The following UBASH3A variants were observed in gnomAD, a reference collection of about 807,000 sequenced individuals.
UBASH3A encodes the protein ubiquitin associated and SH3 domain containing A, also known as ubiquitin-associated and SH3 domain-containing protein A.
In UBASH3A, 63 loss-of-function variants were observed where a neutral mutation model predicts 73.5. The observed-to-expected ratio is 0.86, with a 90% confidence interval of 0.70 to 1.06. The LOEUF (loss-of-function observed/expected upper bound fraction) is 1.06, where lower values mean the gene tolerates loss of function less well. Ranked by LOEUF, UBASH3A falls within the 50% of genes least tolerant of loss-of-function variation. UBASH3A has a pLI of 0.00. For missense variants in UBASH3A, 860 were observed against 859.0 expected, an observed-to-expected ratio of 1.00 and a Z score of -0.02; for synonymous variants, 363 against 351.1, an observed-to-expected ratio of 1.03 and a Z score of -0.38.
At chr21:42,446,998 G>A (rs1237606423) in intron 14 of UBASH3A, 59 bp from the exon 15 acceptor site, 43 of 1,570,026 alleles carry the variant, frequency 2.7e-5, no homozygotes, top group Admixed American at 8.8e-5. Flanking sequence ...TTTGGAGCTA[G>A]TCTGAAATTG....
chr21:42,447,161 A>T lies in UBASH3A; in HGVS notation c.1953A>T (p.Ala651=), dbSNP rs991715646. ...CCCTGACCCACGGGGCGAACGCAGC[A>T]TTTAACTGGAGGAACTGGATCTCAG... is the stretch of plus-strand genomic sequence containing the variant. ...VKTLTHGANA[A]FNWRNWISGN Residue 651 remains alanine, a synonymous_variant, in exon 15 of 15, where the codon GCA becomes GCT. Transcript: ENST00000319294. 6.2e-7 allele frequency: 1 copy of T among 1,614,194 alleles called. No individual in the cohort carries two copies.
At chr21:42,431,452 C>T (rs946066659) in intron 8 of UBASH3A, among the ~76,000 whole-genome samples, 2 of 152,280 alleles carry the variant, frequency 1.3e-5, no homozygotes, top group African/African-American at 4.8e-5. Context: ...TGGCTCGAAG[C>T]TGCTGGCCAC....
At chr21:42,412,861 C>T (rs1486429303) in intron 3 of UBASH3A, among the ~76,000 whole-genome samples, 163 bp from the exon 4 acceptor site, 4 of 152,192 alleles carry the variant, frequency 2.6e-5, no homozygotes, top group African/African-American at 9.6e-5. Context: ...AGGTATAGAA[C>T]AAATCCATAA....
In UBASH3A at chr21:42,426,671, CAAGCCG is replaced by C; in HGVS notation, c.1047-25_1047-20del. On this transcript the variant is annotated intron_variant, in intron 7 of 14. Transcript: ENST00000319294. Reference sequence around the variant, plus strand: ...GCAACAACATGGTCTCACTTCTGTTCAAGCCGTGCTTTCCTTCCCCTGCAGGATGTA... The same window carrying C: ...GCAACAACATGGTCTCACTTCTGTTCTGCTTTCCTTCCCCTGCAGGATGTA... 1 of 1,612,008 alleles carries C rather than the reference CAAGCCG, an allele frequency of 6.2e-7. No homozygotes were observed. The highest frequency in any genetic ancestry group is 1.7e-4 in the Middle Eastern group (1 of 6,050).
rs2053817785 is a variant in UBASH3A, at chr21:42,444,745, C to A, written c.1848+102C>A. 7.2e-6 allele frequency: 7 copies of A among 968,246 alleles called. No individual in the cohort carries two copies. In the Admixed American group the frequency reaches 1.3e-4, roughly 18 times the overall value. 60.0% of individuals were successfully genotyped at this position (968,246 alleles called of 1,614,324 possible). Reference sequence around the variant, plus strand: ...GGAATGAAAACAAGTGTCCGGCTGACCCAGGGCCACCAGGATCCACGTGCC... The same window carrying A: ...GGAATGAAAACAAGTGTCCGGCTGAACCAGGGCCACCAGGATCCACGTGCC... On this transcript the variant is annotated intron_variant, in intron 14 of 14. Transcript: ENST00000319294.
intron 2 of UBASH3A, among the ~76,000 whole-genome samples, 168 bp from the exon 3 acceptor site, chr21:42,409,254 C>T (rs2053041134): frequency 6.6e-6 from 1 of 152,244 alleles, no homozygotes; most frequent in Admixed American, 6.5e-5. Context: ...GCAGTGCCTC[C>T]CACCAGTAGG....
At chr21:42,412,502 G>A (rs2053120416) in intron 3 of UBASH3A, among the ~76,000 whole-genome samples, 2 of 152,208 alleles carry the variant, frequency 1.3e-5, no homozygotes, top group African/African-American at 4.8e-5. Context: ...TTGGAGGCAG[G>A]CAGAGCCTCA....
chr21:42,437,550 T>G lies in UBASH3A; in HGVS notation c.1456T>G (p.Cys486Gly), dbSNP rs1400299231. The G allele has an allele frequency of 6.2e-7, 1 of 1,614,114 alleles. No individual in the cohort carries two copies. The highest frequency in any genetic ancestry group is 8.5e-7 in the Non-Finnish European group (1 of 1,180,032). ...SSVFASPALR[C>G]VQTAKLILEE... ...TGTGTTTGCCTCCCCAGCCCTCCGC[T>G]GTGTGCAGACGGCCAAACTCATCCT... The change falls in exon 11 of 15, where the codon TGT (cysteine) becomes GGT (glycine). Residue 486 changes from cysteine (C) to glycine (G), a missense_variant. Coordinates refer to ENST00000319294, the MANE Select transcript of UBASH3A (RefSeq NM_018961.4).
chr21:42,435,035 C>G (rs1412797966), intron 10 of UBASH3A, 81 bp downstream of exon 10: 1 of 1,529,552 alleles, frequency 6.5e-7, no homozygotes, highest in Non-Finnish European at 8.9e-7. Context: ...AGCCTGAGCC[C>G]TAGCTACACA....
At position 42,412,937 on chromosome 21, in the gene UBASH3A, A is replaced by C. The variant is rs2053129056; in HGVS notation, c.355-87A>C. 3.6e-6 allele frequency: 4 copies of C among 1,122,074 alleles called. No homozygotes were observed. In the African/African-American group the frequency reaches 4.6e-5, roughly 13 times the overall value. 69.5% of individuals were successfully genotyped at this position (1,122,074 alleles called of 1,614,324 possible). On this transcript the variant is annotated intron_variant, in intron 3 of 14. Coordinates refer to ENST00000319294, the MANE Select transcript of UBASH3A (RefSeq NM_018961.4). Reference sequence around the variant, plus strand: ...TTTGAACAGAAAAGAATCTCACTTTAATTGCTGCCTGATTGTTATTAATTA... The same window carrying C: ...TTTGAACAGAAAAGAATCTCACTTTCATTGCTGCCTGATTGTTATTAATTA...
chr21:42,422,351 A>C (rs1042584037), intron 7 of UBASH3A, among the ~76,000 whole-genome samples: 3 of 152,246 alleles, frequency 2.0e-5, no homozygotes, highest in African/African-American at 7.2e-5. Flanking sequence ...AGCTTTGCAC[A>C]CTAACATCAC....
chr21:42,414,626 C>G (rs1437664936), intron 5 of UBASH3A, among the ~76,000 whole-genome samples: 1 of 152,222 alleles, frequency 6.6e-6, no homozygotes, highest in East Asian at 1.9e-4. Context: ...GGGTAGAGGC[C>G]GCACAGAGAC....
At chr21:42,421,625 G>A (rs2053339986) in intron 7 of UBASH3A, among the ~76,000 whole-genome samples, 1 of 152,188 alleles carries the variant, frequency 6.6e-6, no homozygotes, top group African/African-American at 2.4e-5. Context: ...TATACATCCA[G>A]GGAATTATTT....
chr21:42,443,353 A>T lies in UBASH3A; in HGVS notation c.1673A>T (p.Tyr558Phe), dbSNP rs1353341564. Residue 558 changes from tyrosine to phenylalanine, a missense_variant, in exon 13 of 15, where the codon TAC becomes TTC. Tyr to Phe is a conservative substitution (Grantham distance 22). Transcript: ENST00000319294. ...TCCGCCCTCATGCCGGCCGAGAGCT[A>T]CCAGGAGTACATGGACAGGTGCACG... is the stretch of plus-strand genomic sequence containing the variant. ...PLSALMPAES[Y>F]QEYMDRCTAS... The T allele has an allele frequency of 1.9e-6, 3 of 1,613,338 alleles. No homozygotes were observed. The Admixed American group carries it at 5.0e-5, about 27-fold the overall frequency.
chr21:42,446,070 A>C (rs1224312283), intron 14 of UBASH3A, among the ~76,000 whole-genome samples: 1 of 152,068 alleles, frequency 6.6e-6, no homozygotes, highest in African/African-American at 2.4e-5. Flanking sequence ...CCACGTAACC[A>C]AGGGTGGCAG....
chr21:42,442,679 A>G (rs2053768415), intron 12 of UBASH3A, 83 bp downstream of exon 12: 4 of 1,463,770 alleles, frequency 2.7e-6, no homozygotes, highest in Non-Finnish European at 3.7e-6. Flanking sequence ...TAAAATGGTA[A>G]GAAAGACTTT....
chr21:42,441,795 G>A (rs898361948), intron 11 of UBASH3A, among the ~76,000 whole-genome samples: 3 of 152,176 alleles, frequency 2.0e-5, no homozygotes, highest in African/African-American at 7.2e-5. Flanking sequence ...CACATTTGAG[G>A]AACTGATTTT....
In UBASH3A at chr21:42,403,954, G is replaced by A. The variant is rs555946796; in HGVS notation, c.9G>A (p.Ala3=). The A allele has an allele frequency of 6.6e-5, 99 of 1,506,958 alleles. 2 individuals are homozygous for A. The highest frequency in any genetic ancestry group is 2.5e-4 in the South Asian group (20 of 78,634). The allele number at this position is 1,506,958 out of a possible 1,614,324, so 93.3% of individuals were successfully genotyped here. Residue 3 remains alanine (A), a synonymous_variant, in exon 1 of 15, where the codon GCG becomes GCA. Transcript: ENST00000319294. ...CCTAAGGGCAGGAAGAGATGGCAGC[G>A]GGGGAGACGCAGCTCTACGCCAAGG... MA[A]GETQLYAKVS...
At chr21:42,428,776 A>G (rs1262701427) in intron 8 of UBASH3A, among the ~76,000 whole-genome samples, 1 of 152,060 alleles carries the variant, frequency 6.6e-6, no homozygotes. Flanking sequence ...CCGTGCTTTC[A>G]ATGGCTGAAA....
Sources: gnomAD v4.1 joint callset for allele counts (sites outside exome capture counted in the v4.1 genomes callset) on GRCh38, gnomAD v4.1.1 for gene constraint, MANE v1.5 for transcripts, NCBI Gene and HGNC (gene_info 2026-07-23, HGNC 2026-07-21) for gene names.